FNBP4: variants seen among roughly 807,000 people sequenced by gnomAD.
FNBP4 encodes the protein formin-binding protein 4.
FNBP4 carries 34 observed loss-of-function variants against 119.3 expected under a neutral mutation model. The observed-to-expected ratio is 0.28, with a 90% CI of 0.22 to 0.38. The LOEUF (loss-of-function observed/expected upper bound fraction) is 0.38, where lower values mean the gene tolerates loss of function less well. Among genes scored for constraint, FNBP4 ranks in the 10% least tolerant of loss-of-function variants. The pLI is 1.00. For synonymous variants in FNBP4, 462 were observed against 430.6 expected (o/e 1.07, Z -0.90); for missense variants, 1,112 against 1,228.9 (o/e 0.90, Z 1.42).
intron 8 of FNBP4, among the ~76,000 whole-genome samples, chr11:47,737,874 G>A (rs1160487661): frequency 6.6e-6 from 1 of 151,656 alleles, no homozygotes; most frequent in African/African-American, 2.4e-5. Context: ...AGCCTCCCAA[G>A]TAACTGGGAT....
chr11:47,737,844 T>A (rs1335449206), intron 8 of FNBP4, among the ~76,000 whole-genome samples: 1 of 151,702 alleles, frequency 6.6e-6, no homozygotes, highest in African/African-American at 2.4e-5. Context: ...CCTCCCAGGT[T>A]CAAGTGATTC....
chr11:47,748,106 A>G (rs7932434), intron 6 of FNBP4, among the ~76,000 whole-genome samples: 150,719 of 151,472 alleles, frequency 1, 74,990 homozygotes, highest in East Asian at 1. Flanking sequence ...CGGGCGTGGG[A>G]CAGGCGCCTG....
intron 3 of FNBP4, 119 bp downstream of exon 3, chr11:47,754,409 T>A: frequency 2.1e-6 from 2 of 944,292 alleles, no homozygotes; most frequent in Non-Finnish European, 3.2e-6. Context: ...CAAGAGAGTG[T>A]TGGAGGGAGA....
In FNBP4 at chr11:47,717,316, G is replaced by A; in HGVS notation, c.*106C>T. 1.4e-6 allele frequency: 1 copy of A among 720,900 alleles called. No individual in the cohort carries two copies. The highest frequency in any genetic ancestry group is 2.3e-6 in the Non-Finnish European group (1 of 442,796). 44.7% of individuals were successfully genotyped at this position (720,900 alleles called of 1,614,324 possible). ...ACACTCTTGCCCAGGAAATTTATAA[G>A]ATCTCCCCCATAACATTTATAGTTT... On this transcript the variant is annotated 3_prime_UTR_variant, in exon 17 of 17. Coordinates refer to ENST00000263773, the MANE Select transcript of FNBP4 (RefSeq NM_015308.5).
chr11:47,723,341 A>T (rs2097557834), intron 14 of FNBP4, 25 bp from the exon 15 acceptor site: 1 of 1,571,992 alleles, frequency 6.4e-7, no homozygotes, highest in Non-Finnish European at 8.6e-7. Context: ...ATAAAATGAT[A>T]CTATAAAAAG....
intron 16 of FNBP4, among the ~76,000 whole-genome samples, chr11:47,719,392 TTC>T (rs1393941667): frequency 6.6e-6 from 1 of 152,224 alleles, no homozygotes; most frequent in East Asian, 1.9e-4. Context: ...TCTCATTAAC[TTC>T]TGTTCTAGAA....
At position 47,746,110 on chromosome 11, in the gene FNBP4, C is replaced by G. The variant is rs200944327; in HGVS notation, c.1191G>C (p.Glu397Asp). ...LCSVVQSGES[E>D]EEEEQDTLEL... The stretch of plus-strand genomic sequence containing the variant: ...CAAGGGTATCTTGTTCCTCTTCCTC[C>G]TCACTTTCTCCAGATTGGACAACAC... The change falls in exon 7 of 17, where the codon GAG becomes GAC. Residue 397 changes from glutamate to aspartate, a missense_variant. Around this residue, in one of 2 missense-constraint regions of FNBP4, gnomAD observed 826 missense variants for 988.8 expected, o/e 0.84. Transcript: ENST00000263773. 1.5e-3 allele frequency: 2,473 copies of G among 1,611,800 alleles called. 9 individuals carry two copies. The highest frequency in any genetic ancestry group is 4.0e-3 in the South Asian group (356 of 90,068).
At chr11:47,767,016 A>G (rs979627436) in intron 1 of FNBP4, 53 bp downstream of exon 1, 85 of 1,497,196 alleles carry the variant, frequency 5.7e-5, no homozygotes, top group Middle Eastern at 2.3e-4. Flanking sequence ...CGCCGTGAGG[A>G]GCCTAGGCCG....
rs1181310547 is a variant in FNBP4 at position 47,722,962 on chromosome 11, G to T, written c.2805+14C>A. On this transcript the variant is annotated intron_variant, in intron 15 of 16. Transcript: ENST00000263773. ...TTTTAAAAATAAATTTTTAAAAAGG[G>T]AAATTTATTATACCTTGTCTTTCCT... 1 of 1,485,420 alleles carries T rather than the reference G, an allele frequency of 6.7e-7. No homozygotes were observed. Among genetic ancestry groups the T allele is most frequent in the Admixed American group, 2.6e-5 (1 of 37,858 alleles). The allele number at this position is 1,485,420 out of a possible 1,614,324, so 92.0% of individuals were successfully genotyped here. A position where few individuals can be genotyped will look rare whatever the true frequency, so the allele number is the denominator to read the frequency against.
chr11:47,728,762 C>T (rs1208641525), intron 12 of FNBP4, among the ~76,000 whole-genome samples: 1 of 150,362 alleles, frequency 6.7e-6, no homozygotes, highest in Non-Finnish European at 1.5e-5. Flanking sequence ...TTCCTGAGCT[C>T]AAGTGATCCT....
chr11:47,743,910 C>G lies in FNBP4; in HGVS notation c.1456+43G>C, dbSNP rs2097585774. The G allele has an allele frequency of 1.9e-6, 3 of 1,552,256 alleles. No individual in the cohort carries two copies. The African/African-American group carries it at 4.1e-5, about 21-fold the overall frequency. On this transcript the variant is annotated intron_variant, in intron 8 of 16. Coordinates refer to ENST00000263773, the MANE Select transcript of FNBP4 (RefSeq NM_015308.5). ...AAAAAGACAAGAGTTTCCTTCCCCT[C>G]TATATCTTTCAACTCTGAAGTTTAA...
chr11:47,766,399 T>C (rs1425561854), intron 1 of FNBP4, among the ~76,000 whole-genome samples: 3 of 152,246 alleles, frequency 2.0e-5, no homozygotes, highest in Non-Finnish European at 2.9e-5. Flanking sequence ...CTCCAGGCTA[T>C]GATAGGACCT....
At chr11:47,727,512 A>C (rs1323187650) in intron 12 of FNBP4, among the ~76,000 whole-genome samples, 1 of 152,162 alleles carries the variant, frequency 6.6e-6, no homozygotes, top group East Asian at 1.9e-4. Flanking sequence ...TGGCCTCCCA[A>C]AGTGCTGGGA....
In FNBP4 at chr11:47,723,015, C is replaced by T. The variant is rs1322231030; in HGVS notation, c.2766G>A (p.Met922Ile). ...PPPPPPPAPK[M>I]PPPEKTKKGR... ...CTTTTTTTGTCTTTTCAGGTGGTGG[C>T]ATTTTGGGAGCTGGTGGTGGTGGAG... Residue 922 changes from methionine (M) to isoleucine (I), a missense_variant, in exon 15 of 17, where the codon ATG becomes ATA. Physicochemically the swap from Met to Ile is conservative, Grantham distance 10. This residue lies in a region of FNBP4 where 826 missense variants were observed against 988.8 expected (regional missense o/e 0.84). Coordinates refer to ENST00000263773, the MANE Select transcript of FNBP4 (RefSeq NM_015308.5). 4 of 1,563,022 alleles carry T rather than the reference C, an allele frequency of 2.6e-6. No individual in the cohort carries two copies. Among genetic ancestry groups the T allele is most frequent in the Non-Finnish European group, 3.5e-6 (4 of 1,153,828 alleles).
At chr11:47,764,828 T>C (rs1172749491) in intron 2 of FNBP4, among the ~76,000 whole-genome samples, 1 of 152,166 alleles carries the variant, frequency 6.6e-6, no homozygotes, top group Non-Finnish European at 1.5e-5. Context: ...GAGTGATGAA[T>C]TGAACCCAGG....
intron 8 of FNBP4, among the ~76,000 whole-genome samples, chr11:47,743,329 A>G (rs943166430): frequency 1.3e-4 from 20 of 152,044 alleles, no homozygotes; most frequent in African/African-American, 4.3e-4. Flanking sequence ...CTAAAAATAC[A>G]AAAAATAGCC....
chr11:47,750,486 G>A (rs1384506911), intron 6 of FNBP4, among the ~76,000 whole-genome samples: 9 of 147,886 alleles, frequency 6.1e-5, no homozygotes, highest in Admixed American at 2.7e-4. Context: ...TCAGGAGATC[G>A]AGACCATCCT....
At chr11:47,747,134 C>G (rs776647155) in intron 6 of FNBP4, among the ~76,000 whole-genome samples, 2 of 151,920 alleles carry the variant, frequency 1.3e-5, no homozygotes, top group Non-Finnish European at 2.9e-5. Flanking sequence ...CAGGTTCCAG[C>G]GATTCCCAGC....
At chr11:47,765,459 C>A in intron 1 of FNBP4, 97 bp from the exon 2 acceptor site, 1 of 833,508 alleles carries the variant, frequency 1.2e-6, no homozygotes, top group Non-Finnish European at 1.9e-6. Context: ...CTAGAGGTGA[C>A]AAACCAACCT....
Sources: gnomAD v4.1 joint callset for allele counts (sites outside exome capture counted in the v4.1 genomes callset) on GRCh38, gnomAD v4.1.1 for gene constraint, gnomAD v4.1.1 regional missense constraint, MANE v1.5 for transcripts, NCBI Gene and HGNC (gene_info 2026-07-23, HGNC 2026-07-21) for gene names.